POU2AF2: variants seen among roughly 807,000 people sequenced by gnomAD.
The protein encoded by POU2AF2 is POU class 2 homeobox associating factor 2.
chr11:111,252,173 A>G, the POU2AF2 span, among the ~76,000 whole-genome samples: 1 of 152,208 alleles, frequency 6.6e-6, no homozygotes, highest in Non-Finnish European at 1.5e-5. Context: ...GTCTAAGTCC[A>G]CATCGACCTC....
chr11:111,247,452 G>C, the POU2AF2 span, among the ~76,000 whole-genome samples: 2 of 152,146 alleles, frequency 1.3e-5, no homozygotes, highest in African/African-American at 4.8e-5. Flanking sequence ...TAACTGATTT[G>C]ACCTAGCATC....
the POU2AF2 span, among the ~76,000 whole-genome samples, chr11:111,256,677 C>T: frequency 6.6e-5 from 10 of 152,324 alleles, no homozygotes; most frequent in Admixed American, 1.3e-4. Flanking sequence ...AATCATGGCA[C>T]GTCTGTTAGC....
chr11:111,264,500 GA>G, the POU2AF2 span, among the ~76,000 whole-genome samples: 4 of 7,164 alleles, frequency 5.6e-4, no homozygotes, highest in Admixed American at 0.01. Context: ...ACGAAAGAAA[GA>G]AAGAAAGAAA....
At chr11:111,264,544 GAAA>G in the POU2AF2 span, among the ~76,000 whole-genome samples, 2 of 64,146 alleles carry the variant, frequency 3.1e-5, no homozygotes, top group East Asian at 3.6e-4. Context: ...AAGAAAGAAA[GAAA>G]GAAAGAAAGA....
At chr11:111,258,900 G>C in the POU2AF2 span, among the ~76,000 whole-genome samples, 1 of 152,188 alleles carries the variant, frequency 6.6e-6, no homozygotes, top group African/African-American at 2.4e-5. Flanking sequence ...AACTTGCTGA[G>C]GTCTTGCTAT....
the POU2AF2 span, among the ~76,000 whole-genome samples, chr11:111,263,910 G>C: frequency 2.8e-4 from 42 of 152,330 alleles, no homozygotes; most frequent in African/African-American, 9.6e-4. Context: ...TTATCATAAG[G>C]ATTACATTTA....
the POU2AF2 span, among the ~76,000 whole-genome samples, chr11:111,271,914 G>A: frequency 1.4e-4 from 21 of 152,322 alleles, no homozygotes; most frequent in African/African-American, 5.1e-4. Context: ...CTACTTGGGA[G>A]GCTGAGGCAG....
At chr11:111,276,441 A>AAAAAT in the POU2AF2 span, among the ~76,000 whole-genome samples, 1 of 20,922 alleles carries the variant, frequency 4.8e-5, no homozygotes, top group Non-Finnish European at 1.2e-4. Context: ...ACTAAAAAGA[A>AAAAAT]AAAAAAAAAA....
chr11:111,284,258 C>A, the POU2AF2 span: 2 of 1,614,210 alleles, frequency 1.2e-6, no homozygotes, highest in South Asian at 1.1e-5. Flanking sequence ...CCCCCAGGAG[C>A]CCTACGGAGA....
At chr11:111,270,362 A>C in the POU2AF2 span, among the ~76,000 whole-genome samples, 1 of 152,188 alleles carries the variant, frequency 6.6e-6, no homozygotes, top group East Asian at 1.9e-4. Flanking sequence ...ACCCCTACAC[A>C]TTTGAAAGCC....
At chr11:111,277,961 G>C in the POU2AF2 span, among the ~76,000 whole-genome samples, 1 of 152,184 alleles carries the variant, frequency 6.6e-6, no homozygotes, top group African/African-American at 2.4e-5. Flanking sequence ...GTGCATCTGT[G>C]ATTTAATCAC....
At chr11:111,267,851 C>T in the POU2AF2 span, among the ~76,000 whole-genome samples, 1 of 152,140 alleles carries the variant, frequency 6.6e-6, no homozygotes, top group Admixed American at 6.5e-5. Flanking sequence ...TAAGGCTTTA[C>T]CTTCTTATGA....
chr11:111,245,798 A>G, the POU2AF2 span: 1 of 398,944 alleles, frequency 2.5e-6, no homozygotes, highest in Non-Finnish European at 4.4e-6. Context: ...AGTGAACACC[A>G]TTCACAAGAA....
At chr11:111,247,513 C>T in the POU2AF2 span, among the ~76,000 whole-genome samples, 1 of 152,076 alleles carries the variant, frequency 6.6e-6, no homozygotes, top group East Asian at 1.9e-4. Flanking sequence ...ATAGGCCGAG[C>T]GTGGTGGTTC....
the POU2AF2 span, among the ~76,000 whole-genome samples, chr11:111,284,613 T>C: frequency 6.6e-6 from 1 of 152,214 alleles, no homozygotes; most frequent in African/African-American, 2.4e-5. Flanking sequence ...CCGGGAGGAA[T>C]GTGCAGCAGG....
At chr11:111,273,565 T>C in the POU2AF2 span, among the ~76,000 whole-genome samples, 1 of 152,254 alleles carries the variant, frequency 6.6e-6, no homozygotes, top group Non-Finnish European at 1.5e-5. Flanking sequence ...AGACTTATTT[T>C]CTAAACTAAA....
At chr11:111,255,921 C>T in the POU2AF2 span, 3 of 398,622 alleles carry the variant, frequency 7.5e-6, no homozygotes, top group Admixed American at 4.4e-5. Flanking sequence ...CTAAACATGT[C>T]CTTTGGGAGC....
chr11:111,276,652 A>G, the POU2AF2 span, among the ~76,000 whole-genome samples: 6 of 79,706 alleles, frequency 7.5e-5, no homozygotes, highest in African/African-American at 1.5e-4. Flanking sequence ...AAAAAAAAAA[A>G]GAAAAAAAAA....
chr11:111,266,350 C>T, the POU2AF2 span, among the ~76,000 whole-genome samples: 7 of 152,146 alleles, frequency 4.6e-5, no homozygotes, highest in Admixed American at 4.6e-4. Flanking sequence ...CAGAACGTGT[C>T]CCACCCACTG....
Sources: gnomAD v4.1 joint callset for allele counts (sites outside exome capture counted in the v4.1 genomes callset) on GRCh38, gnomAD v4.1.1 for gene constraint, MANE v1.5 for transcripts, NCBI Gene and HGNC (gene_info 2026-07-23, HGNC 2026-07-21) for gene names.